Variants in PDE1C observed in about 807,000 individuals in gnomAD.
PDE1C encodes the protein dual specificity calcium/calmodulin-dependent 3',5'-cyclic nucleotide phosphodiesterase 1C.
In PDE1C, 62 loss-of-function variants were observed where a neutral mutation model predicts 93.1. That is an observed-to-expected ratio of 0.67 (90% confidence interval 0.54 to 0.82). The LOEUF (loss-of-function observed/expected upper bound fraction) is 0.82, where lower values mean the gene tolerates loss of function less well. PDE1C is among the 40% of genes least tolerant of loss of function. PDE1C has a pLI of 0.00. For synonymous variants in PDE1C, 325 were observed against 310.1 expected, an observed-to-expected ratio of 1.05 and a Z score of -0.50; for missense variants, 742 against 884.6, an observed-to-expected ratio of 0.84 and a Z score of 2.04.
rs189319410 is a variant in PDE1C at position 31,816,346 on chromosome 7, C to G, written c.1583-192G>C. The stretch of plus-strand genomic sequence containing the variant: ...AAAATAGGTTCATAATGATGTCATT[C>G]TGAAAACAGTTAGAGGAGAGGTCAG... On this transcript the variant is annotated intron_variant, in intron 14 of 17. Transcript: ENST00000396191. Among the ~76,000 whole-genome samples, 54 of 151,782 alleles carry G rather than the reference C, an allele frequency of 3.6e-4. No individual in the cohort carries two copies. In the East Asian group the frequency reaches 7.0e-3, roughly 20 times the overall value.
intron 1 of PDE1C, among the ~76,000 whole-genome samples, chr7:32,416,287 T>C (rs75297695): frequency 0.055 from 8,348 of 152,242 alleles, 588 homozygotes; most frequent in African/African-American, 0.15. Context: ...GCTCAGGGAA[T>C]GCCCCGGACG....
chr7:32,072,600 G>T (rs1278454813), upstream of PDE1C, among the ~76,000 whole-genome samples: 1 of 152,160 alleles, frequency 6.6e-6, no homozygotes, highest in Non-Finnish European at 1.5e-5. Flanking sequence ...CTGGCACCAT[G>T]TGGAAGTACA....
chr7:31,794,046 A>AGATAGATG (rs1784935319), intron 16 of PDE1C, among the ~76,000 whole-genome samples: 1 of 104,912 alleles, frequency 9.5e-6, no homozygotes. Flanking sequence ...ATAGATAGAC[A>AGATAGATG]GACAGACAGA....
chr7:31,830,849 G>C (rs907267853), intron 11 of PDE1C, among the ~76,000 whole-genome samples: 4 of 152,144 alleles, frequency 2.6e-5, no homozygotes, highest in South Asian at 4.1e-4. Flanking sequence ...GCAGAATACG[G>C]TCTAAAATCA....
chr7:31,691,754 G>T, the PDE1C span, among the ~76,000 whole-genome samples: 2 of 137,630 alleles, frequency 1.5e-5, no homozygotes, highest in African/African-American at 5.3e-5. Flanking sequence ...TGGATGGGGA[G>T]GTAGTCTCTT....
At chr7:31,795,649 A>T (rs893729852) in intron 16 of PDE1C, among the ~76,000 whole-genome samples, 2 of 151,836 alleles carry the variant, frequency 1.3e-5, no homozygotes, top group African/African-American at 4.8e-5. Flanking sequence ...TTTATTTGAC[A>T]TTTCTACTAT....
chr7:31,978,678 G>A (rs917562592), intron 2 of PDE1C, among the ~76,000 whole-genome samples: 14 of 152,170 alleles, frequency 9.2e-5, no homozygotes, highest in African/African-American at 3.1e-4. Context: ...GGACTCTGGC[G>A]TGTTTTTTAA....
chr7:32,235,714 A>G (rs1479581517), intron 1 of PDE1C, among the ~76,000 whole-genome samples: 1 of 152,094 alleles, frequency 6.6e-6, no homozygotes, highest in Admixed American at 6.5e-5. Flanking sequence ...TATGGTAAAG[A>G]CATCAATTAT....
intron 1 of PDE1C, among the ~76,000 whole-genome samples, chr7:32,331,091 C>T (rs557318450): frequency 2.0e-4 from 31 of 152,322 alleles, no homozygotes; most frequent in African/African-American, 6.3e-4. Context: ...AAGATCTTAA[C>T]TCACTTACCT....
chr7:31,761,266 A>G (rs1361846185), intron 17 of PDE1C, among the ~76,000 whole-genome samples: 1 of 152,180 alleles, frequency 6.6e-6, no homozygotes, highest in African/African-American at 2.4e-5. Flanking sequence ...ATAATAAAAG[A>G]GTCAAGTCAA....
intron 2 of PDE1C, among the ~76,000 whole-genome samples, chr7:32,045,322 AACCAG>A (rs1308137537): frequency 9.2e-5 from 14 of 151,920 alleles, no homozygotes; most frequent in Non-Finnish European, 1.9e-4. Flanking sequence ...CTGGGGCTCT[AACCAG>A]ACCACTGTGG....
chr7:31,634,640 C>T, the PDE1C span, among the ~76,000 whole-genome samples: 3 of 152,130 alleles, frequency 2.0e-5, no homozygotes, highest in South Asian at 2.1e-4. Context: ...AAGTGGACCC[C>T]CTTAAGCTAT....
In PDE1C at chr7:31,879,088, C is replaced by T. The variant is rs1258531376; in HGVS notation, c.333G>A (p.Thr111=). The change falls in exon 4 of 18, where the codon ACG becomes ACA. Residue 111 remains threonine (T), a synonymous_variant. Coordinates refer to ENST00000396191, the MANE Select transcript of PDE1C (RefSeq NM_001191057.4). ...EVRDWLASTF[T]RQMGMMLRRS... The stretch of plus-strand genomic sequence containing the variant: ...TCCTGAGCATCATCCCCATCTGCCG[C>T]GTGAAGGTGGAGGCCAGCCAGTCTC... 6.2e-6 allele frequency: 10 copies of T among 1,614,100 alleles called. No homozygotes were observed. The highest frequency in any genetic ancestry group is 1.1e-5 in the South Asian group (1 of 91,078).
intron 1 of PDE1C, among the ~76,000 whole-genome samples, chr7:32,251,811 G>C (rs1481933165): frequency 1.3e-5 from 2 of 152,156 alleles, no homozygotes; most frequent in African/African-American, 4.8e-5. Flanking sequence ...TTAAAGCTAA[G>C]TCCAAACTCC....
intron 17 of PDE1C, among the ~76,000 whole-genome samples, chr7:31,755,169 T>C (rs1794376569): frequency 2.0e-5 from 3 of 152,304 alleles, no homozygotes; most frequent in Non-Finnish European, 1.5e-5. Flanking sequence ...AACAATTACG[T>C]AAACAGAGGG....
intron 2 of PDE1C, among the ~76,000 whole-genome samples, chr7:32,201,424 G>C (rs1266292052): frequency 6.6e-6 from 1 of 152,168 alleles, no homozygotes; most frequent in Non-Finnish European, 1.5e-5. Flanking sequence ...ATCTAAGCGT[G>C]TACACATGTA....
At chr7:31,932,942 T>C (rs1287327599) in intron 2 of PDE1C, among the ~76,000 whole-genome samples, 1 of 152,084 alleles carries the variant, frequency 6.6e-6, no homozygotes, top group Admixed American at 6.6e-5. Flanking sequence ...GGAAACCATC[T>C]TTCTCAGCAA....
chr7:32,333,193 G>A (rs1394325047), intron 1 of PDE1C, among the ~76,000 whole-genome samples: 1 of 152,084 alleles, frequency 6.6e-6, no homozygotes, highest in Non-Finnish European at 1.5e-5. Flanking sequence ...GATGAAAAAA[G>A]AATGAGAAAT....
At chr7:31,986,413 T>C (rs369745325) in intron 2 of PDE1C, among the ~76,000 whole-genome samples, 5 of 152,324 alleles carry the variant, frequency 3.3e-5, no homozygotes, top group African/African-American at 1.2e-4. Context: ...AAGACTGTAT[T>C]CCCAAATAAA....
Sources: allele counts gnomAD v4.1 joint callset (sites outside exome capture counted in the v4.1 genomes callset), GRCh38; gene constraint gnomAD v4.1.1; transcripts MANE v1.5; gene names NCBI Gene and HGNC (gene_info 2026-07-23, HGNC 2026-07-21).